Variants in CSF3 observed in about 807,000 individuals in gnomAD.
CSF3 encodes granulocyte colony-stimulating factor.
Under a neutral mutation model 20.2 loss-of-function variants are expected in CSF3, and 17 were observed. The observed-to-expected ratio is 0.84, with a 90% CI of 0.58 to 1.26. The LOEUF is 1.26. Among genes scored for constraint, CSF3 ranks in the 50% most tolerant of loss-of-function variants. The pLI, the probability that CSF3 is intolerant of heterozygous loss-of-function variation, is 0.00. For synonymous variants in CSF3, 125 were observed against 115.3 expected (o/e 1.08, Z -0.54); for missense variants, 210 against 256.0 (o/e 0.82, Z 1.23).
At chr17:40,016,114 G>A in intron 2 of CSF3, 119 bp from the exon 3 acceptor site, 1 of 880,332 alleles carries the variant, frequency 1.1e-6, no homozygotes, top group Non-Finnish European at 1.7e-6. Flanking sequence ...AGGGCAGAGA[G>A]GAACTGAACA....
chr17:40,015,452 G>T lies in CSF3; in HGVS notation c.-23G>T. 1 of 1,549,460 alleles carries T rather than the reference G, an allele frequency of 6.5e-7. No homozygotes were observed. The highest frequency in any genetic ancestry group is 8.7e-7 in the Non-Finnish European group (1 of 1,146,112). On this transcript the variant is annotated 5_prime_UTR_variant, in exon 1 of 5. Coordinates refer to ENST00000394149, the MANE Select transcript of CSF3 (RefSeq NM_172219.3). Reference sequence around the variant, plus strand: ...TGGGCCCCAAAACAGCCCGGAGCCTGCAGCCCAGCCCCACCCAGACCCATG... The same window carrying T: ...TGGGCCCCAAAACAGCCCGGAGCCTTCAGCCCAGCCCCACCCAGACCCATG...
At chr17:40,016,670 C>T in intron 4 of CSF3, 39 bp downstream of exon 4, 1 of 1,613,038 alleles carries the variant, frequency 6.2e-7, no homozygotes, top group Non-Finnish European at 8.5e-7. Context: ...GTCGTGCTGG[C>T]ATTCTGGGCA....
chr17:40,015,515 G>T lies in CSF3; in HGVS notation c.40+1G>T. On this transcript the variant is annotated splice_donor_variant, in intron 1 of 4. Transcript: ENST00000394149. LOFTEE classifies it high-confidence loss of function. ...ACCCAGAGCCCCATGAAGCTGATGG[G>T]TGAGTGTCTTGGCCCAGGATGGGAG... 2 of 1,551,292 alleles carry T rather than the reference G, an allele frequency of 1.3e-6. No homozygotes were observed. Among genetic ancestry groups the T allele is most frequent in the Non-Finnish European group, 1.7e-6 (2 of 1,146,988 alleles).
Position 40,015,795 on chromosome 17 carries a change from G to A in CSF3, c.145G>A (p.Glu49Lys), listed in dbSNP as rs762945096. 6.8e-6 allele frequency: 11 copies of A among 1,611,556 alleles called. No homozygotes were observed. The highest frequency in any genetic ancestry group is 7.6e-6 in the Non-Finnish European group (9 of 1,178,892). The change falls in exon 2 of 5, where the codon GAG becomes AAG. Residue 49 changes from glutamate to lysine, a missense_variant. Glu to Lys is a moderately conservative substitution (Grantham distance 56, BLOSUM62 1). Transcript: ENST00000394149. ...CCAGAGCTTCCTGCTCAAGTGCTTA[G>A]AGCAAGTGAGGAAGATCCAGGGCGA... The part of the protein sequence containing the change: ...LPQSFLLKCL[E>K]QVRKIQGDGA...
At position 40,017,133 on chromosome 17, in the gene CSF3, A is replaced by C. The variant is rs1007380359; in HGVS notation, c.*174A>C. The C allele has an allele frequency of 3.4e-6, 2 of 583,218 alleles. No homozygotes were observed. The highest frequency in any genetic ancestry group is 5.7e-6 in the Non-Finnish European group (2 of 349,802). 36.1% of individuals were successfully genotyped at this position (583,218 alleles called of 1,614,324 possible). On this transcript the variant is annotated 3_prime_UTR_variant, in exon 5 of 5. Transcript: ENST00000394149. ...AGTGAGAAAAAGCTCCTGTCCTCCC[A>C]TCCCCTGGACTGGGAGGTAGATAGG...
rs150434691 is a variant in CSF3, at chr17:40,016,523, C to T, written c.342C>T (p.Leu114=). ...GCCAACTCCATAGCGGCCTTTTCCT[C>T]TACCAGGGGCTCCTGCAGGCCCTGG... ...CLSQLHSGLF[L]YQGLLQALEG... Residue 114 remains leucine, a synonymous_variant, in exon 4 of 5, where the codon CTC becomes CTT. Transcript: ENST00000394149. 110 of 1,614,084 alleles carry T rather than the reference C, an allele frequency of 6.8e-5. No homozygotes were observed. The highest frequency in any genetic ancestry group is 8.5e-5 in the Non-Finnish European group (100 of 1,180,030).
intron 3 of CSF3, 56 bp from the exon 4 acceptor site, chr17:40,016,429 T>C: frequency 6.2e-7 from 1 of 1,608,644 alleles, no homozygotes. Context: ...GGTTCCAAGC[T>C]GGGGGCCTGA....
Position 40,016,860 on chromosome 17 carries a change from T to C in CSF3, c.516T>C (p.Ser172=). Residue 172 remains serine (S), a synonymous_variant, in exon 5 of 5, where the codon TCT becomes TCC. Transcript: ENST00000394149. The stretch of plus-strand genomic sequence containing the variant: ...AGGGTGCCATGCCGGCCTTCGCCTC[T>C]GCTTTCCAGCGCCGGGCAGGAGGGG... ...PTQGAMPAFA[S]AFQRRAGGVL... 1 of 1,613,574 alleles carries C rather than the reference T, an allele frequency of 6.2e-7. No homozygotes were observed. Among genetic ancestry groups the C allele is most frequent in the Non-Finnish European group, 8.5e-7 (1 of 1,180,006 alleles).
chr17:40,016,361 A>C, intron 3 of CSF3, 21 bp downstream of exon 3: 13 of 1,609,896 alleles, frequency 8.1e-6, no homozygotes, highest in Non-Finnish European at 1.1e-5. Flanking sequence ...GGAAAGGATA[A>C]GGCTAATGAG....
In CSF3 at chr17:40,016,821, C is replaced by G. The variant is rs369553702; in HGVS notation, c.477C>G (p.Ala159=). The stretch of plus-strand genomic sequence containing the variant: ...TGGAAGAACTGGGAATGGCCCCTGC[C>G]CTGCAGCCCACCCAGGGTGCCATGC... ...QQMEELGMAP[A]LQPTQGAMPA... Residue 159 remains alanine (A), a synonymous_variant, in exon 5 of 5, where the codon GCC becomes GCG. Transcript: ENST00000394149. 6.2e-7 allele frequency: 1 copy of G among 1,612,920 alleles called. No homozygotes were observed. The highest frequency in any genetic ancestry group is 1.3e-5 in the African/African-American group (1 of 74,890).
At chr17:40,015,912 G>A in intron 2 of CSF3, 67 bp downstream of exon 2, 2 of 1,527,366 alleles carry the variant, frequency 1.3e-6, no homozygotes, top group Non-Finnish European at 1.8e-6. Context: ...GGATGGAACT[G>A]CAGGGCCAAC....
In CSF3 at chr17:40,016,864, T is replaced by A. The variant is rs1981428361; in HGVS notation, c.520T>A (p.Phe174Ile). Residue 174 changes from phenylalanine (F) to isoleucine (I), a missense_variant, in exon 5 of 5, where the codon TTC becomes ATC. By Grantham distance (21) the Phe-to-Ile change is conservative. Coordinates refer to ENST00000394149, the MANE Select transcript of CSF3 (RefSeq NM_172219.3). ...TGCCATGCCGGCCTTCGCCTCTGCTTTCCAGCGCCGGGCAGGAGGGGTCCT... is the reference window on the plus strand; with the variant it reads ...TGCCATGCCGGCCTTCGCCTCTGCTATCCAGCGCCGGGCAGGAGGGGTCCT... ...QGAMPAFASA[F>I]QRRAGGVLVA... 1 of 1,613,406 alleles carries A rather than the reference T, an allele frequency of 6.2e-7. No homozygotes were observed. The highest frequency in any genetic ancestry group is 1.7e-5 in the Admixed American group (1 of 59,982).
rs1981457757 is a variant in CSF3, at chr17:40,017,209, A to G, written c.*250A>G. ...ACTGCTCCCCAGCCCTGGCTCTGCA[A>G]TGGGCACTGGGATGAGCCGCTGTGA... On this transcript the variant is annotated 3_prime_UTR_variant, in exon 5 of 5. Coordinates refer to ENST00000394149, the MANE Select transcript of CSF3 (RefSeq NM_172219.3). The G allele has an allele frequency of 5.4e-6, 2 of 373,364 alleles. No homozygotes were observed. Among genetic ancestry groups the G allele is most frequent in the East Asian group, 1.0e-4 (2 of 19,924 alleles). The allele number at this position is 373,364 out of a possible 1,614,324, so 23.1% of individuals were successfully genotyped here. A position where few individuals can be genotyped will look rare whatever the true frequency, so the allele number is the denominator to read the frequency against.
chr17:40,016,969 TC>T lies in CSF3; in HGVS notation c.*14del. The T allele has an allele frequency of 6.5e-7, 1 of 1,548,562 alleles. No individual in the cohort carries two copies. The highest frequency in any genetic ancestry group is 8.7e-7 in the Non-Finnish European group (1 of 1,149,356). Reference sequence around the variant, plus strand: ...CCTTGCCCAGCCCTGAGCCAAGCCCTCCCCATCCCATGTATTTATCTCTATT... The same window carrying T: ...CCTTGCCCAGCCCTGAGCCAAGCCCTCCCATCCCATGTATTTATCTCTATT... On this transcript the variant is annotated 3_prime_UTR_variant, in exon 5 of 5. Coordinates refer to ENST00000394149, the MANE Select transcript of CSF3 (RefSeq NM_172219.3).
Position 40,016,836 on chromosome 17 carries a change from G to T in CSF3, c.492G>T (p.Gln164His), listed in dbSNP as rs746429744. ...TGGCCCCTGCCCTGCAGCCCACCCA[G>T]GGTGCCATGCCGGCCTTCGCCTCTG... ...LGMAPALQPT[Q>H]GAMPAFASAF... The change falls in exon 5 of 5, where the codon CAG (glutamine) becomes CAT (histidine). Residue 164 changes from glutamine to histidine, a missense_variant. Gln to His is a conservative substitution (Grantham distance 24). Transcript: ENST00000394149. The T allele has an allele frequency of 6.2e-7, 1 of 1,613,164 alleles. No homozygotes were observed. The highest frequency in any genetic ancestry group is 2.2e-5 in the East Asian group (1 of 44,880).
chr17:40,016,112 G>A (rs1981365598), intron 2 of CSF3, 121 bp from the exon 3 acceptor site: 1 of 872,450 alleles, frequency 1.1e-6, no homozygotes, highest in African/African-American at 1.7e-5. Flanking sequence ...GCAGGGCAGA[G>A]AGGAACTGAA....
chr17:40,015,701 G>A lies in CSF3; in HGVS notation c.51G>A (p.Leu17=), dbSNP rs1470478704. ...QSPMKLMALQ[L]LLWHSALWTV... ...CCGCTCTGTCCCCAGCCCTGCAGCT[G>A]CTGCTGTGGCACAGTGCACTCTGGA... The change falls in exon 2 of 5, where the codon CTG becomes CTA. Residue 17 remains leucine, a synonymous_variant. Coordinates refer to ENST00000394149, the MANE Select transcript of CSF3 (RefSeq NM_172219.3). The A allele has an allele frequency of 6.3e-7, 1 of 1,584,880 alleles. No individual in the cohort carries two copies. The highest frequency in any genetic ancestry group is 8.6e-7 in the Non-Finnish European group (1 of 1,163,002).
rs775414642 is a variant in CSF3 at position 40,015,791 on chromosome 17, C to T, written c.141C>T (p.Cys47=). 6 of 1,611,178 alleles carry T rather than the reference C, an allele frequency of 3.7e-6. No homozygotes were observed. Among genetic ancestry groups the T allele is most frequent in the Middle Eastern group, 1.7e-4 (1 of 5,952 alleles). ...SSLPQSFLLK[C]LEQVRKIQGD... ...TGCCCCAGAGCTTCCTGCTCAAGTG[C>T]TTAGAGCAAGTGAGGAAGATCCAGG... The change falls in exon 2 of 5, where the codon TGC becomes TGT. Residue 47 remains cysteine (C), a synonymous_variant. Coordinates refer to ENST00000394149, the MANE Select transcript of CSF3 (RefSeq NM_172219.3).
rs759645435 is a variant in CSF3, at chr17:40,016,219, C to A, written c.196-14C>A. 33 of 1,528,392 alleles carry A rather than the reference C, an allele frequency of 2.2e-5. No individual in the cohort carries two copies. The highest frequency in any genetic ancestry group is 2.6e-5 in the Non-Finnish European group (30 of 1,134,526). 94.7% of individuals were successfully genotyped at this position (1,528,392 alleles called of 1,614,324 possible). On this transcript the variant is annotated splice_polypyrimidine_tract_variant and intron_variant, in intron 2 of 4. Coordinates refer to ENST00000394149, the MANE Select transcript of CSF3 (RefSeq NM_172219.3). ...GGCCATGGCGAGTCTCACTCAGCAT[C>A]CTTCCATCCCCAGTGTGCCACCTAC...
Sources: allele counts gnomAD v4.1 joint callset, GRCh38; gene constraint gnomAD v4.1.1; transcripts MANE v1.5; gene names NCBI Gene and HGNC (gene_info 2026-07-23, HGNC 2026-07-21).